The following KCTD13 variants were observed in gnomAD, a reference collection of about 807,000 sequenced individuals.
The protein encoded by KCTD13 is BTB/POZ domain-containing adapter for CUL3-mediated RhoA degradation protein 1.
In KCTD13, 15 loss-of-function variants were observed where a neutral mutation model predicts 32.3. The observed-to-expected ratio is 0.46, with a 90% CI of 0.31 to 0.71. The LOEUF (loss-of-function observed/expected upper bound fraction) is 0.71. Among genes scored for constraint, KCTD13 ranks in the 30% least tolerant of loss-of-function variants. The pLI is 0.05. For missense variants in KCTD13, 337 were observed against 452.6 expected (o/e 0.74, Z 2.32); for synonymous variants, 189 against 200.1 (o/e 0.94, Z 0.47).
At chr16:29,925,703 G>A (rs1207762901) in intron 1 of KCTD13, 87 bp downstream of exon 1, 3 of 1,349,318 alleles carry the variant, frequency 2.2e-6, no homozygotes, top group Non-Finnish European at 3.1e-6. Context: ...CAGAGAGAAG[G>A]GGCATGAGGA....
At chr16:29,923,121 T>C in intron 2 of KCTD13, 69 bp downstream of exon 2, 1 of 1,550,858 alleles carries the variant, frequency 6.4e-7, no homozygotes, top group South Asian at 1.2e-5. Flanking sequence ...TATCTCCTTT[T>C]TTCTGCTCTA....
intron 2 of KCTD13, chr16:29,922,928 TA>T: frequency 2.1e-6 from 1 of 474,796 alleles, no homozygotes; most frequent in Non-Finnish European, 3.7e-6. Context: ...GGTGCGAGTG[TA>T]ACAGCTGGAC....
At chr16:29,919,559 C>T (rs556162373) in intron 2 of KCTD13, 1 of 152,248 alleles carries the variant, frequency 6.6e-6, no homozygotes, top group South Asian at 2.1e-4. Flanking sequence ...AAGATCTAGA[C>T]TGGACCCTGG....
chr16:29,924,332 A>G (rs777827907), intron 1 of KCTD13, among the ~76,000 whole-genome samples: 6 of 152,242 alleles, frequency 3.9e-5, no homozygotes, highest in Non-Finnish European at 8.8e-5. Context: ...ATTCAACCAG[A>G]TAATTAACTC....
rs1255154714 is a variant in KCTD13 at position 29,926,140 on chromosome 16, C to T, written c.-107G>A. Reference sequence around the variant, plus strand: ...AGCCCTTGGGCCAGACCGCTCGGCGCACACGCCCACTCACCGCAGCTACTC... The same window carrying T: ...AGCCCTTGGGCCAGACCGCTCGGCGTACACGCCCACTCACCGCAGCTACTC... On this transcript the variant is annotated 5_prime_UTR_variant, in exon 1 of 6. Coordinates refer to ENST00000568000, the MANE Select transcript of KCTD13 (RefSeq NM_178863.5). 1.3e-5 allele frequency: 16 copies of T among 1,250,604 alleles called. No homozygotes were observed. The highest frequency in any genetic ancestry group is 1.7e-5 in the South Asian group (1 of 59,508). The allele number at this position is 1,250,604 out of a possible 1,614,324, so 77.5% of individuals were successfully genotyped here. A position where few individuals can be genotyped will look rare whatever the true frequency, so the allele number is the denominator to read the frequency against.
In KCTD13 at chr16:29,911,994, C is replaced by A. The variant is rs759086438; in HGVS notation, c.470G>T (p.Arg157Leu). ...LCLIPMVTSPREEQQLLASTS... is the reference protein window; with the variant it reads ...LCLIPMVTSPLEEQQLLASTS... ...GCTGGCCAGGAGCTGCTGCTCCTCC[C>A]GGGGAGATGTCACCATGGGGATGAG... The change falls in exon 3 of 6, where the codon CGG becomes CTG. Residue 157 changes from arginine (R) to leucine (L), a missense_variant. Arg to Leu is a moderately radical substitution (Grantham distance 102). This residue lies in a region of KCTD13 where 252 missense variants were observed against 340.2 expected (regional missense o/e 0.74). Transcript: ENST00000568000. 6.2e-7 allele frequency: 1 copy of A among 1,611,404 alleles called. No homozygotes were observed. Among genetic ancestry groups the A allele is most frequent in the African/African-American group, 1.3e-5 (1 of 74,810 alleles).
At chr16:29,908,251 C>T (rs962197648) in intron 5 of KCTD13, among the ~76,000 whole-genome samples, 4 of 151,858 alleles carry the variant, frequency 2.6e-5, no homozygotes, top group African/African-American at 9.7e-5. Context: ...AAAAGGGAGG[C>T]CAATGCAATT....
intron 2 of KCTD13, among the ~76,000 whole-genome samples, chr16:29,917,279 A>C (rs2068826178): frequency 6.6e-6 from 1 of 152,106 alleles, no homozygotes; most frequent in Non-Finnish European, 1.5e-5. Flanking sequence ...AAATGAGCTA[A>C]ATCCCTTCAC....
chr16:29,924,258 G>A (rs2068961232), intron 1 of KCTD13, among the ~76,000 whole-genome samples: 1 of 152,106 alleles, frequency 6.6e-6, no homozygotes. Flanking sequence ...TCTCAAACCT[G>A]TGCCACAGCC....
At chr16:29,924,029 C>T (rs1567449257) in intron 1 of KCTD13, among the ~76,000 whole-genome samples, 2 of 151,488 alleles carry the variant, frequency 1.3e-5, no homozygotes, top group African/African-American at 2.4e-5. Flanking sequence ...ACAAAATTAG[C>T]CGGGCATGGT....
intron 2 of KCTD13, among the ~76,000 whole-genome samples, chr16:29,919,178 A>G (rs1473904066): frequency 6.6e-6 from 1 of 152,222 alleles, no homozygotes; most frequent in East Asian, 1.9e-4. Context: ...ACCGGGAGTA[A>G]ACAACCAGGC....
At chr16:29,912,668 G>A (rs1422784617) in intron 2 of KCTD13, among the ~76,000 whole-genome samples, 5 of 152,304 alleles carry the variant, frequency 3.3e-5, no homozygotes, top group African/African-American at 1.2e-4. Flanking sequence ...ATGAACTCCC[G>A]AACTCAGGTG....
chr16:29,917,726 C>G (rs1296538930), intron 2 of KCTD13, among the ~76,000 whole-genome samples: 1 of 152,040 alleles, frequency 6.6e-6, no homozygotes, highest in East Asian at 1.9e-4. Flanking sequence ...TTGCAGTGAG[C>G]CGAGATCATG....
At chr16:29,915,058 T>A (rs894789211) in intron 2 of KCTD13, 4 of 152,050 alleles carry the variant, frequency 2.6e-5, no homozygotes, top group African/African-American at 9.7e-5. Flanking sequence ...AATTCTGTAA[T>A]CCAGTTGGAG....
intron 2 of KCTD13, chr16:29,922,181 G>A (rs1472702362): frequency 2.0e-5 from 3 of 152,016 alleles, no homozygotes; most frequent in Non-Finnish European, 2.9e-5. Flanking sequence ...GTACTAAAAT[G>A]CATTTTTTCC....
In KCTD13 at chr16:29,906,406, T is replaced by C. The variant is rs2068613135; in HGVS notation, c.*466A>G. Reference sequence around the variant, plus strand: ...AAATAATAAATAATATGAAACAGACTGATAACGCTGAGCTGGGCAGGCCCA... The same window carrying C: ...AAATAATAAATAATATGAAACAGACCGATAACGCTGAGCTGGGCAGGCCCA... On this transcript the variant is annotated 3_prime_UTR_variant, in exon 6 of 6. Transcript: ENST00000568000. 3.1e-6 allele frequency: 1 copy of C among 325,478 alleles called. No individual in the cohort carries two copies. 20.2% of individuals were successfully genotyped at this position (325,478 alleles called of 1,614,324 possible).
chr16:29,910,970 C>A lies in KCTD13; in HGVS notation c.753+8G>T, dbSNP rs372998646. 6.2e-7 allele frequency: 1 copy of A among 1,613,038 alleles called. No individual in the cohort carries two copies. Among genetic ancestry groups the A allele is most frequent in the Non-Finnish European group, 8.5e-7 (1 of 1,179,310 alleles). ...AGCCCCCAACATAGGCTCTGGAGCC[C>A]CTCTGACCTTGGTCTGCTTCTTCTC... On this transcript the variant is annotated splice_region_variant and intron_variant, in intron 5 of 5. Coordinates refer to ENST00000568000, the MANE Select transcript of KCTD13 (RefSeq NM_178863.5).
At chr16:29,911,766 T>C (rs1263481129) in intron 4 of KCTD13, 49 bp downstream of exon 4, 2 of 1,599,356 alleles carry the variant, frequency 1.3e-6, no homozygotes, top group East Asian at 4.5e-5. Flanking sequence ...GAAGCAGGGC[T>C]GTGCTGCATC....
intron 5 of KCTD13, among the ~76,000 whole-genome samples, chr16:29,908,869 A>AT (rs1249871432): frequency 6.7e-6 from 1 of 149,738 alleles, no homozygotes; most frequent in African/African-American, 2.5e-5. Flanking sequence ...ATTTTTTTTT[A>AT]TTTTTTGTAG....
Sources: gnomAD v4.1 joint callset for allele counts (sites outside exome capture counted in the v4.1 genomes callset) on GRCh38, gnomAD v4.1.1 for gene constraint, gnomAD v4.1.1 regional missense constraint, MANE v1.5 for transcripts, NCBI Gene and HGNC (gene_info 2026-07-23, HGNC 2026-07-21) for gene names.